The following FAM185A variants were observed in gnomAD, a reference collection of about 807,000 sequenced individuals.
FAM185A encodes family with sequence similarity 185 member A.
FAM185A carries 21 observed loss-of-function variants against 45.7 expected under a neutral mutation model. The ratio of observed to expected loss-of-function variants is 0.46; its 90% CI spans 0.33 to 0.66. The LOEUF is 0.66. Among genes scored for constraint, FAM185A ranks in the 30% least tolerant of loss-of-function variants. The probability of loss-of-function intolerance (pLI) is 0.03; values close to 1 mark genes in which losing one functional copy is unlikely to be tolerated. For missense variants in FAM185A, 305 were observed against 485.4 expected (o/e 0.63, Z 3.49); for synonymous variants, 117 against 194.0 (o/e 0.60, Z 3.30).
chr7:102,820,776 C>A, the FAM185A span, among the ~76,000 whole-genome samples: 1 of 152,166 alleles, frequency 6.6e-6, no homozygotes, highest in Non-Finnish European at 1.5e-5. Context: ...ATAACTAACT[C>A]ACTTCCATGA....
At chr7:102,753,698 A>G (rs536480694) in intron 2 of FAM185A, among the ~76,000 whole-genome samples, 1 of 151,908 alleles carries the variant, frequency 6.6e-6, no homozygotes, top group African/African-American at 2.4e-5. Context: ...GTTGGGAATA[A>G]TTTATGAATA....
At chr7:102,819,773 TG>T in the FAM185A span, among the ~76,000 whole-genome samples, 2 of 152,192 alleles carry the variant, frequency 1.3e-5, no homozygotes, top group Non-Finnish European at 2.9e-5. Flanking sequence ...GGAGCCACAC[TG>T]GCCCTGATTA....
At chr7:102,836,089 G>C in the FAM185A span, among the ~76,000 whole-genome samples, 2 of 152,328 alleles carry the variant, frequency 1.3e-5, no homozygotes, top group African/African-American at 4.8e-5. Flanking sequence ...ACCCTCTTCA[G>C]TAGCATCTGC....
intron 7 of FAM185A, among the ~76,000 whole-genome samples, chr7:102,793,882 T>TA (rs1336894854): frequency 6.6e-6 from 1 of 151,262 alleles, no homozygotes; most frequent in African/African-American, 2.4e-5. Flanking sequence ...CTACTAAACA[T>TA]ACAAAAATTA....
intron 1 of FAM185A, among the ~76,000 whole-genome samples, chr7:102,751,412 G>C (rs1793354369): frequency 6.6e-6 from 1 of 151,982 alleles, no homozygotes; most frequent in Non-Finnish European, 1.5e-5. Flanking sequence ...TTTCACAGGA[G>C]TACTTAACAG....
chr7:102,826,069 T>G, the FAM185A span, among the ~76,000 whole-genome samples: 1 of 152,190 alleles, frequency 6.6e-6, no homozygotes, highest in Non-Finnish European at 1.5e-5. Context: ...GTAGGACCTC[T>G]TTATACAAAA....
chr7:102,837,835 G>A, the FAM185A span, among the ~76,000 whole-genome samples: 5 of 152,306 alleles, frequency 3.3e-5, no homozygotes, highest in Admixed American at 6.5e-5. Context: ...GAGCCACTAC[G>A]CCCAGGCAAC....
At chr7:102,819,913 G>A in the FAM185A span, among the ~76,000 whole-genome samples, 3 of 152,184 alleles carry the variant, frequency 2.0e-5, no homozygotes, top group South Asian at 2.1e-4. Flanking sequence ...TAGAGCACCC[G>A]GAGCTGATCG....
intron 5 of FAM185A, among the ~76,000 whole-genome samples, 171 bp downstream of exon 5, chr7:102,772,621 C>T (rs2539287): frequency 2.6e-5 from 4 of 151,232 alleles, no homozygotes; most frequent in Admixed American, 2.0e-4. Context: ...CGAAGAAAAT[C>T]GCCTGAGCTG....
intron 4 of FAM185A, among the ~76,000 whole-genome samples, chr7:102,761,852 T>G (rs1430692792): frequency 6.6e-6 from 1 of 152,022 alleles, no homozygotes; most frequent in African/African-American, 2.4e-5. Context: ...TTAGTGGAGA[T>G]GGGGTTTCGC....
chr7:102,784,987 T>G (rs1262695878), intron 6 of FAM185A, among the ~76,000 whole-genome samples: 1 of 152,170 alleles, frequency 6.6e-6, no homozygotes, highest in Non-Finnish European at 1.5e-5. Context: ...CAGCAAAGTC[T>G]CAGGATACAA....
intron 4 of FAM185A, among the ~76,000 whole-genome samples, chr7:102,769,750 C>T (rs1794637860): frequency 6.6e-6 from 1 of 151,796 alleles, no homozygotes; most frequent in Non-Finnish European, 1.5e-5. Context: ...TGAGAGCCTT[C>T]TTGCGGATAG....
chr7:102,807,469 G>A (rs1057224142), intron 7 of FAM185A, among the ~76,000 whole-genome samples: 3 of 151,908 alleles, frequency 2.0e-5, no homozygotes, highest in Non-Finnish European at 4.4e-5. Flanking sequence ...ATGAAACAAG[G>A]AAATGCTCAT....
At chr7:102,801,086 A>T (rs187315928) in intron 7 of FAM185A, among the ~76,000 whole-genome samples, 1 of 152,364 alleles carries the variant, frequency 6.6e-6, no homozygotes, top group East Asian at 1.9e-4. Flanking sequence ...CAGCCTTCTC[A>T]AACGAAACAA....
At chr7:102,827,577 C>T in the FAM185A span, among the ~76,000 whole-genome samples, 1 of 151,552 alleles carries the variant, frequency 6.6e-6, no homozygotes, top group Admixed American at 6.6e-5. Context: ...GCACAATGTG[C>T]ATGTTTGTTA....
At chr7:102,795,566 T>G (rs2537395) in intron 7 of FAM185A, among the ~76,000 whole-genome samples, 877 of 132,348 alleles carry the variant, frequency 6.6e-3, no homozygotes, top group South Asian at 0.012. Flanking sequence ...GAACTGCTCT[T>G]GAGTCTAGAA....
At chr7:102,769,529 A>G (rs963993677) in intron 4 of FAM185A, among the ~76,000 whole-genome samples, 5 of 150,636 alleles carry the variant, frequency 3.3e-5, no homozygotes, top group Non-Finnish European at 7.4e-5. Flanking sequence ...TGGATTCACT[A>G]GCTAAATGAC....
At chr7:102,813,098 C>A, downstream of FAM185A, 1 of 357,100 alleles carries the variant, frequency 2.8e-6, no homozygotes, top group Non-Finnish European at 5.0e-6. Flanking sequence ...CCTTGGCCTA[C>A]CAAAGTGCTA....
intron 2 of FAM185A, chr7:102,755,898 G>T (rs1268951427): frequency 1.1e-5 from 8 of 704,618 alleles, no homozygotes; most frequent in Non-Finnish European, 1.2e-5. Flanking sequence ...TGCCAAGCTC[G>T]AAAAGGCAAA....
Sources: allele counts gnomAD v4.1 joint callset (sites outside exome capture counted in the v4.1 genomes callset), GRCh38; gene constraint gnomAD v4.1.1; transcripts MANE v1.5; gene names NCBI Gene and HGNC (gene_info 2026-07-23, HGNC 2026-07-21).